PTPRT: variants seen among roughly 807,000 people sequenced by gnomAD.
PTPRT encodes the protein protein tyrosine phosphatase receptor type T, also known as receptor-type tyrosine-protein phosphatase T.
A neutral mutation model predicts 176.8 loss-of-function variants in PTPRT; 56 were observed. The observed-to-expected ratio is 0.32, with a 90% confidence interval of 0.26 to 0.40. The LOEUF is 0.40. PTPRT is among the 10% of genes least tolerant of loss of function. PTPRT has a pLI of 1.00. For synonymous variants in PTPRT, 783 were observed against 739.0 expected, an observed-to-expected ratio of 1.06 and a Z score of -0.96; for missense variants, 1,540 against 1,908.2, an observed-to-expected ratio of 0.81 and a Z score of 3.60.
chr20:43,083,366 A>AGACAGAGTCTCGC (rs2011517110), intron 1 of PTPRT, among the ~76,000 whole-genome samples: 1 of 115,936 alleles, frequency 8.6e-6, no homozygotes, highest in African/African-American at 3.9e-5. Flanking sequence ...ATATATATAT[A>AGACAGAGTCTCGC]TATACATTTT....
At chr20:42,165,595 G>T (rs1165710443) in intron 16 of PTPRT, among the ~76,000 whole-genome samples, 1 of 152,284 alleles carries the variant, frequency 6.6e-6, no homozygotes, top group Non-Finnish European at 1.5e-5. Flanking sequence ...AACAATGGAA[G>T]TGTTCTACAT....
In PTPRT at chr20:42,616,530, G is replaced by A. The variant is rs567000615; in HGVS notation, c.1153+61336C>T. Among the ~76,000 whole-genome samples, 26 of 127,908 alleles carry A rather than the reference G, an allele frequency of 2.0e-4. 3 individuals are homozygous for A. Among genetic ancestry groups the A allele is most frequent in the Non-Finnish European group, 2.6e-4 (16 of 62,212 alleles). The allele number at this position is 127,908 out of a possible 152,430, so 83.9% of individuals were successfully genotyped here. On this transcript the variant is annotated intron_variant, in intron 7 of 30. Coordinates refer to ENST00000373187, the MANE Select transcript of PTPRT (RefSeq NM_007050.6). ...TTGAAACTGTAAATTACCTTGGGCAGTATGGCCATTTTCACAATATTGATT... is the reference window on the plus strand; with the variant it reads ...TTGAAACTGTAAATTACCTTGGGCAATATGGCCATTTTCACAATATTGATT...
At chr20:42,523,627 A>G (rs1231527910) in intron 7 of PTPRT, among the ~76,000 whole-genome samples, 1 of 152,214 alleles carries the variant, frequency 6.6e-6, no homozygotes, top group Non-Finnish European at 1.5e-5. Context: ...ACTTAATCTG[A>G]CAATGTCTCC....
rs118172387 is a variant in PTPRT at position 42,464,879 on chromosome 20, G to C, written c.1450+7387C>G. ...ATGCAGCCTCCTTCTAGCTTACTGT[G>C]ACCTGAGAAACCTGATCATTGGCTC... On this transcript the variant is annotated intron_variant, in intron 8 of 30. Transcript: ENST00000373187. Among the ~76,000 whole-genome samples, 716 of 152,104 alleles carry C rather than the reference G, an allele frequency of 4.7e-3. 7 individuals carry two copies. The highest frequency in any genetic ancestry group is 0.014 in the Middle Eastern group (4 of 292).
rs567020429 is a variant in PTPRT, at chr20:42,978,445, C to G, written c.89-92513G>C. Among the ~76,000 whole-genome samples the G allele has an allele frequency of 9.2e-5, 14 of 152,276 alleles. No individual in the cohort carries two copies. The South Asian group carries it at 2.9e-3, about 32-fold the overall frequency. ...TAAGGTTCTAAAACTATATACTAAA[C>G]TGCTCTCCAGAAAGATTGCAAGAAT... On this transcript the variant is annotated intron_variant, in intron 1 of 30. Transcript: ENST00000373187.
intron 17 of PTPRT, among the ~76,000 whole-genome samples, chr20:42,156,129 G>T (rs1190339866): frequency 1.3e-5 from 2 of 151,994 alleles, no homozygotes; most frequent in Non-Finnish European, 2.9e-5. Context: ...CTTTAATTTG[G>T]TTCTTCCTAC....
intron 13 of PTPRT, among the ~76,000 whole-genome samples, chr20:42,252,831 G>A (rs1049803024): frequency 6.6e-6 from 1 of 152,220 alleles, no homozygotes; most frequent in African/African-American, 2.4e-5. Flanking sequence ...CGAATTCAAT[G>A]AGTTCAGCCA....
chr20:42,567,318 C>A (rs867164197), intron 7 of PTPRT, among the ~76,000 whole-genome samples: 10 of 150,382 alleles, frequency 6.6e-5, no homozygotes, highest in South Asian at 6.3e-4. Context: ...AGAAAAAAAA[C>A]GATTTTTAAA....
chr20:42,385,982 A>C (rs952395777), intron 9 of PTPRT, among the ~76,000 whole-genome samples: 1 of 152,252 alleles, frequency 6.6e-6, no homozygotes, highest in African/African-American at 2.4e-5. Flanking sequence ...CAATATAAAT[A>C]AAATAAATAG....
chr20:42,778,308 T>C (rs1600727129), intron 4 of PTPRT, among the ~76,000 whole-genome samples: 1 of 152,134 alleles, frequency 6.6e-6, no homozygotes, highest in Non-Finnish European at 1.5e-5. Flanking sequence ...ACTCTGGCCT[T>C]GAAGGTAGTT....
At chr20:42,113,077 C>A (rs964925192) in intron 22 of PTPRT, among the ~76,000 whole-genome samples, 1 of 152,156 alleles carries the variant, frequency 6.6e-6, no homozygotes, top group African/African-American at 2.4e-5. Flanking sequence ...AGCTCAGGAA[C>A]CGATTTTGAG....
At chr20:42,060,999 G>A in the PTPRT span, among the ~76,000 whole-genome samples, 1 of 152,158 alleles carries the variant, frequency 6.6e-6, no homozygotes, top group South Asian at 2.1e-4. Flanking sequence ...TCATGCTTCA[G>A]TTTCCCCAGA....
intron 17 of PTPRT, among the ~76,000 whole-genome samples, chr20:42,142,231 A>G (rs988924655): frequency 6.6e-5 from 10 of 152,182 alleles, no homozygotes; most frequent in Admixed American, 6.5e-5. Context: ...TGAGTTCACA[A>G]TCTAGCCCAG....
chr20:42,214,055 C>A (rs1209830058), intron 15 of PTPRT, among the ~76,000 whole-genome samples: 1 of 152,066 alleles, frequency 6.6e-6, no homozygotes, highest in Non-Finnish European at 1.5e-5. Flanking sequence ...CACCGTGAGG[C>A]CAGGAGTATT....
chr20:42,578,960 A>G (rs1404454619), intron 7 of PTPRT, among the ~76,000 whole-genome samples: 1 of 144,602 alleles, frequency 6.9e-6, no homozygotes, highest in African/African-American at 2.7e-5. Context: ...CACAATGTGC[A>G]CGTTTGTTAC....
intron 27 of PTPRT, 144 bp from the exon 28 acceptor site, chr20:42,085,997 G>A: frequency 9.4e-7 from 1 of 1,066,894 alleles, no homozygotes; most frequent in South Asian, 1.8e-5. Flanking sequence ...GCCCAGCCTG[G>A]AGTGCATTGG....
At chr20:42,853,231 T>C (rs2078506094) in intron 2 of PTPRT, among the ~76,000 whole-genome samples, 1 of 152,078 alleles carries the variant, frequency 6.6e-6, no homozygotes, top group Non-Finnish European at 1.5e-5. Flanking sequence ...ATGAAGAACT[T>C]TGTATTAGTT....
At chr20:42,749,119 A>G (rs2076732765) in intron 6 of PTPRT, among the ~76,000 whole-genome samples, 1 of 152,152 alleles carries the variant, frequency 6.6e-6, no homozygotes, top group Non-Finnish European at 1.5e-5. Flanking sequence ...AGAGAAAGGA[A>G]GAACAGCTGG....
intron 6 of PTPRT, among the ~76,000 whole-genome samples, chr20:42,717,947 T>C (rs77424518): frequency 6.6e-6 from 1 of 152,126 alleles, no homozygotes; most frequent in African/African-American, 2.4e-5. Context: ...ATCAGAAAAA[T>C]ACCACAATGA....
Sources: gnomAD v4.1 joint callset for allele counts (sites outside exome capture counted in the v4.1 genomes callset) on GRCh38, gnomAD v4.1.1 for gene constraint, MANE v1.5 for transcripts, NCBI Gene and HGNC (gene_info 2026-07-23, HGNC 2026-07-21) for gene names.